Variants in TFDP1 observed in about 807,000 individuals in gnomAD.
TFDP1 encodes the protein transcription factor Dp-1, also known as DRTF1-polypeptide 1.
TFDP1 carries 6 observed loss-of-function variants against 48.0 expected under a neutral mutation model. The observed-to-expected ratio is 0.13, with a 90% CI of 0.07 to 0.25. The LOEUF (loss-of-function observed/expected upper bound fraction) is 0.25, where lower values mean the gene tolerates loss of function less well. Among genes scored for constraint, TFDP1 ranks in the 10% least tolerant of loss-of-function variants. The probability of loss-of-function intolerance (pLI) is 1.00; values close to 1 mark genes in which losing one functional copy is unlikely to be tolerated. For missense variants in TFDP1, 335 were observed against 543.0 expected, an observed-to-expected ratio of 0.62 and a Z score of 3.81; for synonymous variants, 201 against 211.6, an observed-to-expected ratio of 0.95 and a Z score of 0.44.
At position 113,636,261 on chromosome 13, in the gene TFDP1, G is replaced by C. The variant is rs1048992403; in HGVS notation, c.839+133G>C. ...AATGTTGCACAAATTGCTGTCCATTGGGGGGTGGTGGGAGGCTGCCGCCAT... is the reference window on the plus strand; with the variant it reads ...AATGTTGCACAAATTGCTGTCCATTCGGGGGTGGTGGGAGGCTGCCGCCAT... On this transcript the variant is annotated intron_variant, in intron 9 of 11. Transcript: ENST00000375370. The C allele has an allele frequency of 1.5e-5, 19 of 1,282,586 alleles. No individual in the cohort carries two copies. The Admixed American group carries it at 2.6e-4, about 17-fold the overall frequency. The allele number at this position is 1,282,586 out of a possible 1,614,324, so 79.5% of individuals were successfully genotyped here.
At chr13:113,597,081 G>A (rs1014683143) in intron 2 of TFDP1, among the ~76,000 whole-genome samples, 2 of 152,158 alleles carry the variant, frequency 1.3e-5, no homozygotes, top group African/African-American at 4.8e-5. Context: ...GTCTGGCCGG[G>A]GTTGCCGCTC....
chr13:113,611,455 G>A (rs1430900680), intron 3 of TFDP1, among the ~76,000 whole-genome samples: 1 of 152,256 alleles, frequency 6.6e-6, no homozygotes, highest in Non-Finnish European at 1.5e-5. Context: ...CATGGTGCAT[G>A]CCTTCTGCGA....
At chr13:113,601,535 C>T (rs2048427040) in intron 2 of TFDP1, among the ~76,000 whole-genome samples, 1 of 152,198 alleles carries the variant, frequency 6.6e-6, no homozygotes, top group Non-Finnish European at 1.5e-5. Context: ...CAGGGCAGCC[C>T]ACTTGGGGGC....
chr13:113,599,616 CT>C (rs2048362166), intron 2 of TFDP1, among the ~76,000 whole-genome samples: 1 of 152,054 alleles, frequency 6.6e-6, no homozygotes, highest in African/African-American at 2.4e-5. Flanking sequence ...GTAGTCCCCC[CT>C]GCCCTGTTGG....
rs549441323 is a variant in TFDP1 at position 113,598,061 on chromosome 13, A to C, written c.12+12212A>C. Among the ~76,000 whole-genome samples, 1 of 152,144 alleles carries C rather than the reference A, an allele frequency of 6.6e-6. No individual in the cohort carries two copies. Among genetic ancestry groups the C allele is most frequent in the South Asian group, 2.1e-4 (1 of 4,824 alleles). Reference sequence around the variant, plus strand: ...ATAAGAAAAGGGAGTGGAGCCGCCGACATTTCAGGTGAGTTGTCATCAAGA... The same window carrying C: ...ATAAGAAAAGGGAGTGGAGCCGCCGCCATTTCAGGTGAGTTGTCATCAAGA... On this transcript the variant is annotated intron_variant, in intron 2 of 11. Transcript: ENST00000375370. This position sits in a 1 kb window ranked among gnomAD's most constrained non-coding sequence, Gnocchi z 4.2.
chr13:113,618,928 T>G (rs1301162665), intron 3 of TFDP1, among the ~76,000 whole-genome samples: 2 of 152,162 alleles, frequency 1.3e-5, no homozygotes, highest in African/African-American at 4.8e-5. Flanking sequence ...AAACAATCAT[T>G]TATAGCCTTA....
At position 113,634,573 on chromosome 13, in the gene TFDP1, C is replaced by G. The variant is rs756473434; in HGVS notation, c.658C>G (p.Gln220Glu). Reference protein sequence around the residue: ...QRRLERIKQKQSQLQELILQQ... With the variant: ...QRRLERIKQKESQLQELILQQ... ...GAGACTTGAAAGAATAAAACAGAAA[C>G]AGTCTCAACTTCAAGAACTTATTCT... Residue 220 changes from glutamine (Q) to glutamate (E), a missense_variant, in exon 8 of 12, where the codon CAG (glutamine) becomes GAG (glutamate). Transcript: ENST00000375370. 1.9e-5 allele frequency: 30 copies of G among 1,613,388 alleles called. No homozygotes were observed. Among genetic ancestry groups the G allele is most frequent in the Non-Finnish European group, 2.5e-5 (30 of 1,179,744 alleles).
At chr13:113,624,641 G>GTATCTCTCACA in intron 4 of TFDP1, among the ~76,000 whole-genome samples, 2 of 141,160 alleles carry the variant, frequency 1.4e-5, no homozygotes, top group Admixed American at 7.2e-5. Flanking sequence ...GTCTCTCAGG[G>GTATCTCTCACA]TGTCTCTCAC....
rs1051831483 is a variant in TFDP1, at chr13:113,586,432, A to T, written c.12+583A>T. Among the ~76,000 whole-genome samples, 97 of 152,322 alleles carry T rather than the reference A, an allele frequency of 6.4e-4. 2 individuals are homozygous for T. In the South Asian group the frequency reaches 6.8e-3, roughly 11 times the overall value. On this transcript the variant is annotated intron_variant, in intron 2 of 11. Coordinates refer to ENST00000375370, the MANE Select transcript of TFDP1 (RefSeq NM_007111.5). ...TGCTTTGCAGTTGTCATGAAACTAT[A>T]GAATATTTTGAAAATTTTTTAAAGC...
intron 4 of TFDP1, 74 bp from the exon 5 acceptor site, chr13:113,631,549 G>T: frequency 1.3e-6 from 2 of 1,531,274 alleles, no homozygotes; most frequent in South Asian, 1.3e-5. Flanking sequence ...TGCGGATAGC[G>T]AACAGATGGT....
intron 5 of TFDP1, among the ~76,000 whole-genome samples, chr13:113,632,901 C>A (rs923080783): frequency 1.3e-5 from 2 of 152,242 alleles, no homozygotes; most frequent in Non-Finnish European, 2.9e-5. Flanking sequence ...AGAGGTGCAG[C>A]CTGCTGGGGA....
chr13:113,609,021 G>A (rs944936296), intron 2 of TFDP1, among the ~76,000 whole-genome samples: 1 of 152,332 alleles, frequency 6.6e-6, no homozygotes, highest in African/African-American at 2.4e-5. Context: ...ACAGAGCCAC[G>A]CATGCCGGCC....
intron 4 of TFDP1, among the ~76,000 whole-genome samples, chr13:113,625,775 T>A (rs1235152152): frequency 7.7e-6 from 1 of 130,546 alleles, no homozygotes; most frequent in Non-Finnish European, 1.6e-5. Flanking sequence ...CAGGCGTCTC[T>A]CACGTGTCCT....
At chr13:113,628,208 ACTGT>A (rs1350613910) in intron 4 of TFDP1, among the ~76,000 whole-genome samples, 2 of 145,990 alleles carry the variant, frequency 1.4e-5, no homozygotes, top group East Asian at 2.0e-4. Context: ...CCGTGTAAAG[ACTGT>A]CTGGAGCCGT....
Position 113,640,967 on chromosome 13 carries a change from G to A in TFDP1, c.*700G>A, listed in dbSNP as rs1299616999. On this transcript the variant is annotated 3_prime_UTR_variant, in exon 12 of 12. Coordinates refer to ENST00000375370, the MANE Select transcript of TFDP1 (RefSeq NM_007111.5). ...TTAAAGCTTATTGCCATGCTGGTGC[G>A]GCTATGGAGACTGTCTGGAAGGCTT... 2.0e-5 allele frequency: 3 copies of A among 152,634 alleles called. No individual in the cohort carries two copies. Among genetic ancestry groups the A allele is most frequent in the East Asian group, 1.9e-4 (1 of 5,200 alleles). The allele number at this position is 152,634 out of a possible 1,614,324, so 9.5% of individuals were successfully genotyped here. A position where few individuals can be genotyped will look rare whatever the true frequency, so the allele number is the denominator to read the frequency against.
intron 3 of TFDP1, among the ~76,000 whole-genome samples, chr13:113,619,284 C>T (rs1043363810): frequency 6.6e-6 from 1 of 152,064 alleles, no homozygotes; most frequent in Non-Finnish European, 1.5e-5. Context: ...ACCAGCCTGG[C>T]CAACATGGTG....
rs1789994547 is a variant in TFDP1 at position 113,636,714 on chromosome 13, A to G, written c.1006+14A>G. 6.2e-7 allele frequency: 1 copy of G among 1,605,482 alleles called. No homozygotes were observed. Among genetic ancestry groups the G allele is most frequent in the Non-Finnish European group, 8.5e-7 (1 of 1,177,674 alleles). ...CATACGTGACAGGTCAGCAATGCCC[A>G]GACAACCTGGCGTGGCTGTGTGAGG... On this transcript the variant is annotated intron_variant, in intron 10 of 11. Transcript: ENST00000375370.
chr13:113,619,567 C>T (rs2048947902), intron 3 of TFDP1, among the ~76,000 whole-genome samples: 1 of 151,602 alleles, frequency 6.6e-6, no homozygotes, highest in Non-Finnish European at 1.5e-5. Context: ...GCCTGTACGT[C>T]TGGGTGTGGG....
intron 3 of TFDP1, among the ~76,000 whole-genome samples, chr13:113,614,198 T>G (rs2048796957): frequency 6.6e-6 from 1 of 151,742 alleles, no homozygotes; most frequent in Non-Finnish European, 1.5e-5. Flanking sequence ...TATGTGTGTG[T>G]TGTGTGCGAG....
Sources: gnomAD v4.1 joint callset for allele counts (sites outside exome capture counted in the v4.1 genomes callset) on GRCh38, gnomAD v4.1.1 for gene constraint, Gnocchi (gnomAD v3.1) non-coding constraint, MANE v1.5 for transcripts, NCBI Gene and HGNC (gene_info 2026-07-23, HGNC 2026-07-21) for gene names.